Variants in COL2A1 observed in about 807,000 individuals in gnomAD.
COL2A1 encodes the protein collagen type II alpha 1 chain, also known as collagen alpha-1(II) chain.
Under a neutral mutation model 204.5 loss-of-function variants are expected in COL2A1, and 28 were observed. The observed-to-expected ratio is 0.14, with a 90% CI of 0.10 to 0.19. COL2A1 has a LOEUF of 0.19. Among genes scored for constraint, COL2A1 ranks in the 10% least tolerant of loss-of-function variants. COL2A1 has a pLI of 1.00. For synonymous variants in COL2A1, 708 were observed against 718.7 expected (o/e 0.99, Z 0.24); for missense variants, 1,388 against 2,027.5 (o/e 0.68, Z 6.06).
rs759997103 is a variant in COL2A1 at position 47,989,214 on chromosome 12, A to C, written c.1122+14T>G. On this transcript the variant is annotated intron_variant, in intron 18 of 53. Transcript: ENST00000380518. Reference sequence around the variant, plus strand: ...GGCACCCAGAAGTTCCTGACTGGACAACAGGGCACGTACCTTGGCTCCAGG... The same window carrying C: ...GGCACCCAGAAGTTCCTGACTGGACCACAGGGCACGTACCTTGGCTCCAGG... 3.1e-6 allele frequency: 5 copies of C among 1,609,910 alleles called. No individual in the cohort carries two copies. Among genetic ancestry groups the C allele is most frequent in the Non-Finnish European group, 4.2e-6 (5 of 1,178,330 alleles).
At chr12:47,985,409 C>G (rs553529596) in intron 26 of COL2A1, 125 bp downstream of exon 26, 8 of 1,027,764 alleles carry the variant, frequency 7.8e-6, no homozygotes, top group African/African-American at 1.6e-5. Context: ...CCATCTACCC[C>G]CTGTCACAAT....
chr12:47,980,883 A>T lies in COL2A1; in HGVS notation c.2517+32T>A. 1.3e-6 allele frequency: 2 copies of T among 1,550,804 alleles called. No homozygotes were observed. Among genetic ancestry groups the T allele is most frequent in the African/African-American group, 2.7e-5 (2 of 73,118 alleles). ...CTGGATGTGGAACTGGCCTGAGTGG[A>T]GGGACCCAGGAGGATGGACAGAGAT... On this transcript the variant is annotated intron_variant, in intron 38 of 53. Coordinates refer to ENST00000380518, the MANE Select transcript of COL2A1 (RefSeq NM_001844.5). This position sits in a 1 kb window ranked among gnomAD's most constrained non-coding sequence, Gnocchi z 4.5.
In COL2A1 at chr12:47,987,144, G is replaced by A. The variant is rs781535662; in HGVS notation, c.1299C>T (p.Phe433=). 1 of 1,614,146 alleles carries A rather than the reference G, an allele frequency of 6.2e-7. No homozygotes were observed. The highest frequency in any genetic ancestry group is 1.1e-5 in the South Asian group (1 of 91,082). The stretch of plus-strand genomic sequence containing the variant: ...GGCCAGGAGGGCCCCGTGGCCCAGG[G>A]AAGCCAGGAGCACCAGCAATGCCAG... ...GAPGIAGAPG[F]PGPRGPPGPQ... is the part of the protein sequence containing the mutation. Residue 433 remains phenylalanine (F), a synonymous_variant, in exon 21 of 54, where the codon TTC becomes TTT. Coordinates refer to ENST00000380518, the MANE Select transcript of COL2A1 (RefSeq NM_001844.5). This position sits in a 1 kb window ranked among gnomAD's most constrained non-coding sequence, Gnocchi z 4.1.
At position 47,978,511 on chromosome 12, in the gene COL2A1, C is replaced by G; in HGVS notation, c.2895+86G>C. ...CCCTGGCATCCCCACGGCCCCTGCTCCCTCCTACCCCATGCTCTGTGAGCT... is the reference window on the plus strand; with the variant it reads ...CCCTGGCATCCCCACGGCCCCTGCTGCCTCCTACCCCATGCTCTGTGAGCT... On this transcript the variant is annotated intron_variant, in intron 42 of 53. Coordinates refer to ENST00000380518, the MANE Select transcript of COL2A1 (RefSeq NM_001844.5). This position sits in a 1 kb window ranked among gnomAD's most constrained non-coding sequence, Gnocchi z 5.5. 1 of 1,588,414 alleles carries G rather than the reference C, an allele frequency of 6.3e-7. No homozygotes were observed. Among genetic ancestry groups the G allele is most frequent in the South Asian group, 1.1e-5 (1 of 88,690 alleles).
intron 2 of COL2A1, chr12:47,998,770 T>G: frequency 3.5e-6 from 1 of 289,784 alleles, no homozygotes. Flanking sequence ...CAGTCTCTCT[T>G]CCCCCCACAG....
chr12:47,992,614 G>A (rs1324872051), intron 16 of COL2A1, among the ~76,000 whole-genome samples: 1 of 152,152 alleles, frequency 6.6e-6, no homozygotes, highest in Non-Finnish European at 1.5e-5. Context: ...GGGAGTGGGT[G>A]GTGGTTGTTG....
Position 47,994,042 on chromosome 12 carries a change from A to G in COL2A1, c.822T>C (p.Ala274=). ...GGCCTGGGGTTCCTGGGAAACCACG[A>G]GCACCCTGCAATCCAAAGTGGAGGT... ...GERGPPGPQG[A]RGFPGTPGLP... Residue 274 remains alanine (A), a synonymous_variant, in exon 13 of 54, where the codon GCT becomes GCC. Coordinates refer to ENST00000380518, the MANE Select transcript of COL2A1 (RefSeq NM_001844.5). 6.2e-7 allele frequency: 1 copy of G among 1,614,026 alleles called. No homozygotes were observed. Among genetic ancestry groups the G allele is most frequent in the Non-Finnish European group, 8.5e-7 (1 of 1,180,016 alleles).
At chr12:47,974,060 C>T in intron 53 of COL2A1, 29 bp downstream of exon 53, 1 of 1,614,140 alleles carries the variant, frequency 6.2e-7, no homozygotes, top group Non-Finnish European at 8.5e-7. Context: ...TGGGCACAGG[C>T]AGCTCTTCTC....
intron 44 of COL2A1, 60 bp from the exon 45 acceptor site, chr12:47,977,713 TC>T (rs1565670838): frequency 1.3e-6 from 2 of 1,561,440 alleles, no homozygotes; most frequent in Non-Finnish European, 1.8e-6. Flanking sequence ...CCCCCTCTGC[TC>T]CCCCAGCCCC....
At position 48,004,474 on chromosome 12, in the gene COL2A1, T is replaced by A. The variant is rs1280308259; in HGVS notation, c.-153A>T. On this transcript the variant is annotated 5_prime_UTR_variant, in exon 1 of 54. Transcript: ENST00000380518. ...GAGACCCGGCAGCCCAGCAGCGCTC[T>A]GCGTCTTCTCCCCGCCGCGGCGCCC... 25 of 554,186 alleles carry A rather than the reference T, an allele frequency of 4.5e-5. No individual in the cohort carries two copies. Among genetic ancestry groups the A allele is most frequent in the Middle Eastern group, 9.5e-4 (2 of 2,110 alleles). 34.3% of individuals were successfully genotyped at this position (554,186 alleles called of 1,614,324 possible).
At chr12:47,977,705 C>T in intron 44 of COL2A1, 52 bp from the exon 45 acceptor site, 2 of 1,577,990 alleles carry the variant, frequency 1.3e-6, no homozygotes, top group Non-Finnish European at 1.7e-6. Flanking sequence ...GCCCATCTCC[C>T]CCTCTGCTCC....
rs116536651 is a variant in COL2A1 at position 47,989,855 on chromosome 12, G to A, written c.1024-50C>T. 1,114 of 1,564,728 alleles carry A rather than the reference G, an allele frequency of 7.1e-4. 5 individuals carry two copies. In the African/African-American group the frequency reaches 0.013, roughly 18 times the overall value. On this transcript the variant is annotated intron_variant, in intron 16 of 53. Coordinates refer to ENST00000380518, the MANE Select transcript of COL2A1 (RefSeq NM_001844.5). ...TGAGAGGTGCCCACAGGCCCTGTCCGTCCCTGCTCCCAGCCCACCCTTACA... is the reference window on the plus strand; with the variant it reads ...TGAGAGGTGCCCACAGGCCCTGTCCATCCCTGCTCCCAGCCCACCCTTACA...
intron 2 of COL2A1, among the ~76,000 whole-genome samples, chr12:47,999,192 A>G (rs1020647880): frequency 5.9e-5 from 9 of 152,330 alleles, no homozygotes; most frequent in African/African-American, 2.2e-4. Context: ...GCAGGGAGAT[A>G]GGACATCTGT....
Position 47,976,107 on chromosome 12 carries a change from C to G in COL2A1, c.3490-37G>C. On this transcript the variant is annotated intron_variant, in intron 49 of 53. Transcript: ENST00000380518. This position sits in a 1 kb window ranked among gnomAD's most constrained non-coding sequence, Gnocchi z 4.3. ...AGAGGTCGTGAGGAAAGAGTGGTCA[C>G]CACAGGGAAGGCTGGGGAGTCGCTG... 1 of 1,498,340 alleles carries G rather than the reference C, an allele frequency of 6.7e-7. No homozygotes were observed. The highest frequency in any genetic ancestry group is 9.3e-7 in the Non-Finnish European group (1 of 1,074,606). The allele number at this position is 1,498,340 out of a possible 1,614,324, so 92.8% of individuals were successfully genotyped here.
At chr12:47,989,101 TG>T in intron 18 of COL2A1, 126 bp downstream of exon 18, 1 of 776,078 alleles carries the variant, frequency 1.3e-6, no homozygotes, top group Non-Finnish European at 2.2e-6. Context: ...GGCCAGTGGG[TG>T]GGGTGGTGGG....
Position 48,004,373 on chromosome 12 carries a change from G to A in COL2A1, c.-52C>T, listed in dbSNP as rs1451826940. 2 of 1,169,986 alleles carry A rather than the reference G, an allele frequency of 1.7e-6. No homozygotes were observed. Among genetic ancestry groups the A allele is most frequent in the Non-Finnish European group, 2.5e-6 (2 of 805,546 alleles). 72.5% of individuals were successfully genotyped at this position (1,169,986 alleles called of 1,614,324 possible). A position where few individuals can be genotyped will look rare whatever the true frequency, so the allele number is the denominator to read the frequency against. On this transcript the variant is annotated 5_prime_UTR_variant, in exon 1 of 54. Coordinates refer to ENST00000380518, the MANE Select transcript of COL2A1 (RefSeq NM_001844.5). Reference sequence around the variant, plus strand: ...GGGCCCGGGCGGAGCGCAGCGAAACGGCAGGAGCACGGCGCGGGTCCGGGT... The same window carrying A: ...GGGCCCGGGCGGAGCGCAGCGAAACAGCAGGAGCACGGCGCGGGTCCGGGT...
At chr12:47,996,668 G>A in intron 7 of COL2A1, 43 bp from the exon 8 acceptor site, 2 of 1,536,690 alleles carry the variant, frequency 1.3e-6, no homozygotes, top group Non-Finnish European at 1.8e-6. Flanking sequence ...AAAGGCACTA[G>A]GTCTTCCCTA....
In COL2A1 at chr12:47,985,803, G is replaced by C. The variant is rs1939365599; in HGVS notation, c.1605C>G (p.Pro535=). The change falls in exon 25 of 54, where the codon CCC becomes CCG. Residue 535 remains proline (P), a synonymous_variant. Transcript: ENST00000380518. ...CTCCCTTGGGGCCAGCAAGACCACT[G>C]GGCCCTCGCTCTCCAGGGGCTCCCT... The part of the protein sequence containing the change: ...GPKGAPGERG[P]SGLAGPKGAN... The C allele has an allele frequency of 6.2e-7, 1 of 1,612,234 alleles. No individual in the cohort carries two copies. Among genetic ancestry groups the C allele is most frequent in the African/African-American group, 1.3e-5 (1 of 74,830 alleles).
Position 47,986,460 on chromosome 12 carries a change from A to C in COL2A1, c.1420-17T>G. 1 of 1,497,812 alleles carries C rather than the reference A, an allele frequency of 6.7e-7. No individual in the cohort carries two copies. Among genetic ancestry groups the C allele is most frequent in the African/African-American group, 1.4e-5 (1 of 72,176 alleles). 92.8% of individuals were successfully genotyped at this position (1,497,812 alleles called of 1,614,324 possible). On this transcript the variant is annotated splice_polypyrimidine_tract_variant and intron_variant, in intron 22 of 53. Transcript: ENST00000380518. ...AGCAGGGCCCTGAGGACCAGCAAAA[A>C]AGAGAAACAGAGTGAGCCTTCACCT...
Sources: gnomAD v4.1 joint callset for allele counts (sites outside exome capture counted in the v4.1 genomes callset) on GRCh38, gnomAD v4.1.1 for gene constraint, Gnocchi (gnomAD v3.1) non-coding constraint, MANE v1.5 for transcripts, NCBI Gene and HGNC (gene_info 2026-07-23, HGNC 2026-07-21) for gene names.